SON: variants seen among roughly 807,000 people sequenced by gnomAD.
The protein encoded by SON is protein SON.
In SON, 4 loss-of-function variants were observed where a neutral mutation model predicts 173.3. That is an observed-to-expected ratio of 0.02 (90% CI 0.01 to 0.05). The LOEUF is 0.05. Among genes scored for constraint, SON ranks in the 10% least tolerant of loss-of-function variants. SON has a pLI of 1.00. For missense variants in SON, 2,626 were observed against 3,055.3 expected (o/e 0.86, Z 3.31); for synonymous variants, 1,190 against 1,105.9 (o/e 1.08, Z -1.51).
intron 6 of SON, chr21:33,560,820 G>C (rs1187670079): frequency 6.4e-6 from 1 of 155,948 alleles, no homozygotes; most frequent in African/African-American, 2.4e-5. Flanking sequence ...GGTATCTGAT[G>C]CCCATCTGGA....
At chr21:33,563,130 G>A (rs1375832082) in intron 6 of SON, among the ~76,000 whole-genome samples, 1 of 152,026 alleles carries the variant, frequency 6.6e-6, no homozygotes. Context: ...CATAGGTCCC[G>A]GCACTGCTAG....
At chr21:33,568,172 GA>G (rs955179645) in intron 7 of SON, among the ~76,000 whole-genome samples, 2 of 152,128 alleles carry the variant, frequency 1.3e-5, no homozygotes, top group Admixed American at 6.6e-5. Context: ...GTTGGTGACT[GA>G]AAAAAAGTAT....
At chr21:33,573,972 A>C (rs1231125159) in intron 9 of SON, among the ~76,000 whole-genome samples, 1 of 152,170 alleles carries the variant, frequency 6.6e-6, no homozygotes, top group East Asian at 1.9e-4. Flanking sequence ...CAATAATGTT[A>C]CTTCTTCCTG....
chr21:33,573,162 G>A (rs2086324495), intron 8 of SON, 146 bp from the exon 9 acceptor site: 1 of 623,836 alleles, frequency 1.6e-6, no homozygotes, highest in South Asian at 2.3e-5. Flanking sequence ...ACTACAGTAT[G>A]TATAAAGTAT....
intron 3 of SON, among the ~76,000 whole-genome samples, chr21:33,555,714 C>G (rs1453573635): frequency 6.6e-6 from 1 of 152,122 alleles, no homozygotes; most frequent in South Asian, 2.1e-4. Context: ...TAAAAACAAG[C>G]TAAGTATATG....
In SON at chr21:33,546,275, G is replaced by A; in HGVS notation, c.140G>A (p.Gly47Asp). 1 of 1,613,618 alleles carries A rather than the reference G, an allele frequency of 6.2e-7. No individual in the cohort carries two copies. Among genetic ancestry groups the A allele is most frequent in the South Asian group, 1.1e-5 (1 of 91,036 alleles). ...TNTPIEGNQA[G>D]DAAASARSLP... ...ACACCCATTGAAGGAAACCAGGCGG[G>A]TGATGCAGCTGCCTCTGCCAGGAGT... The change falls in exon 2 of 12, where the codon GGT becomes GAT. Residue 47 changes from glycine (G) to aspartate (D), a missense_variant. Physicochemically the swap from Gly to Asp is moderately conservative, Grantham distance 94. Around this residue, in one of 13 missense-constraint regions of SON, gnomAD observed 757 missense variants for 730.1 expected, o/e 1.04. Coordinates refer to ENST00000356577, the MANE Select transcript of SON (RefSeq NM_138927.4).
In SON at chr21:33,550,564, C is replaced by T. The variant is rs1445356758; in HGVS notation, c.1333C>T (p.Pro445Ser). The stretch of plus-strand genomic sequence containing the variant: ...TGAGTTGCCAGGGCCCTCTGTGACA[C>T]CAGTGCCACAGTTGTCGCAGGAATT... ...VPELPGPSVTPVPQLSQELPG... is the reference protein window; with the variant it reads ...VPELPGPSVTSVPQLSQELPG... The change falls in exon 3 of 12, where the codon CCA becomes TCA. Residue 445 changes from proline to serine, a missense_variant. Physicochemically the swap from Pro to Ser is moderately conservative, Grantham distance 74. Around this residue, in one of 13 missense-constraint regions of SON, gnomAD observed 757 missense variants for 730.1 expected, o/e 1.04. Coordinates refer to ENST00000356577, the MANE Select transcript of SON (RefSeq NM_138927.4). The T allele has an allele frequency of 6.8e-6, 11 of 1,613,710 alleles. No individual in the cohort carries two copies. The highest frequency in any genetic ancestry group is 9.3e-6 in the Non-Finnish European group (11 of 1,179,906).
chr21:33,569,557 AC>A, intron 8 of SON: 2 of 416,378 alleles, frequency 4.8e-6, no homozygotes, highest in East Asian at 9.2e-5. Flanking sequence ...TTGCCCTCGC[AC>A]CCCACCCGCT....
chr21:33,549,334 G>C (rs1342190406), intron 2 of SON, 142 bp from the exon 3 acceptor site: 1 of 612,786 alleles, frequency 1.6e-6, no homozygotes, highest in African/African-American at 1.9e-5. Flanking sequence ...TGGCCTCTCA[G>C]AGTGCTAAGA....
intron 6 of SON, among the ~76,000 whole-genome samples, chr21:33,563,300 A>G (rs1350261536): frequency 6.6e-6 from 1 of 152,190 alleles, no homozygotes; most frequent in African/African-American, 2.4e-5. Context: ...TACAATAAAA[A>G]GATTCGTAAT....
chr21:33,553,519 T>C lies in SON; in HGVS notation c.4288T>C (p.Ser1430Pro). The change falls in exon 3 of 12, where the codon TCT (serine) becomes CCT (proline). Residue 1430 changes from serine (S) to proline (P), a missense_variant. Physicochemically the swap from Ser to Pro is moderately conservative, Grantham distance 74. Transcript: ENST00000356577. ...ACCAGCGGTGTCAGTCCTTCAACCT[T>C]CTATGATTGTTTCAGAACCATCTGT... is the stretch of plus-strand genomic sequence containing the variant. ...LEPAVSVLQPSMIVSEPSVSV... is the reference protein window; with the variant it reads ...LEPAVSVLQPPMIVSEPSVSV... The C allele has an allele frequency of 6.2e-7, 1 of 1,614,176 alleles. No homozygotes were observed. The highest frequency in any genetic ancestry group is 1.1e-5 in the South Asian group (1 of 91,080).
chr21:33,551,323 G>A lies in SON; in HGVS notation c.2092G>A (p.Glu698Lys), dbSNP rs1417507084. 1 of 1,614,118 alleles carries A rather than the reference G, an allele frequency of 6.2e-7. No homozygotes were observed. The change falls in exon 3 of 12, where the codon GAG becomes AAG. Residue 698 changes from glutamate to lysine, a missense_variant. This residue lies in a region of SON where 182 missense variants were observed against 193.6 expected (regional missense o/e 0.94). Coordinates refer to ENST00000356577, the MANE Select transcript of SON (RefSeq NM_138927.4). ...AQELPTTLVG[E>K]TSVTVGVDPL... The stretch of plus-strand genomic sequence containing the variant: ...GGAGCTGCCTACTACATTAGTGGGG[G>A]AGACTTCTGTAACAGTAGGAGTGGA...
chr21:33,573,844 CA>C (rs1238075744), intron 9 of SON, among the ~76,000 whole-genome samples: 2 of 142,810 alleles, frequency 1.4e-5, no homozygotes, highest in African/African-American at 5.3e-5. Flanking sequence ...TATTTTAGCA[CA>C]TCTTCATTAT....
intron 6 of SON, chr21:33,560,333 C>T: frequency 1.5e-6 from 2 of 1,322,060 alleles, no homozygotes; most frequent in African/African-American, 1.5e-5. Context: ...CCCTTTGCTA[C>T]CTTGGCCCTT....
At chr21:33,544,734 G>A (rs1261789730) in intron 1 of SON, among the ~76,000 whole-genome samples, 1 of 152,186 alleles carries the variant, frequency 6.6e-6, no homozygotes, top group Non-Finnish European at 1.5e-5. Flanking sequence ...TTGCTTTTCA[G>A]TAAATGCGGT....
chr21:33,560,523 AAAT>A, intron 6 of SON: 1 of 997,536 alleles, frequency 1.0e-6, no homozygotes, highest in Non-Finnish European at 1.2e-6. Flanking sequence ...CCGCCTGATT[AAAT>A]AATGTGCTGC....
chr21:33,553,361 AGTCTTCGACTGTAACTGTCCTG>A lies in SON; in HGVS notation c.4132_4153del (p.Ser1379LeufsTer4). On this transcript the variant is annotated frameshift_variant, in exon 3 of 12. Coordinates refer to ENST00000356577, the MANE Select transcript of SON (RefSeq NM_138927.4). LOFTEE classifies it high-confidence loss of function. The stretch of plus-strand genomic sequence containing the variant: ...GAGTCTTCGACTGTGACTGTCCTGG[AGTCTTCGACTGTAACTGTCCTG>A]GAGCCTTCGGTTGTGACTGTCCCGG... 1.2e-6 allele frequency: 2 copies of A among 1,611,922 alleles called. No homozygotes were observed. The highest frequency in any genetic ancestry group is 1.7e-6 in the Non-Finnish European group (2 of 1,178,030).
intron 7 of SON, among the ~76,000 whole-genome samples, chr21:33,568,203 TGTTTTACGGCC>T (rs2086211311): frequency 6.6e-6 from 1 of 152,168 alleles, no homozygotes; most frequent in Non-Finnish European, 1.5e-5. Context: ...TTTAAAAAGT[TGTTTTACGGCC>T]GGGTGCAGTG....
Position 33,552,851 on chromosome 21 carries a change from C to G in SON, c.3620C>G (p.Ser1207Cys). ...TEVPSSPSEESVSQPEPPVSQ... is the reference protein window; with the variant it reads ...TEVPSSPSEECVSQPEPPVSQ... Reference sequence around the variant, plus strand: ...GTGCCATCATCACCATCTGAAGAGTCTGTATCGCAGCCTGAGCCTCCTGTG... The same window carrying G: ...GTGCCATCATCACCATCTGAAGAGTGTGTATCGCAGCCTGAGCCTCCTGTG... Residue 1207 changes from serine to cysteine, a missense_variant, in exon 3 of 12, where the codon TCT (serine) becomes TGT (cysteine). Coordinates refer to ENST00000356577, the MANE Select transcript of SON (RefSeq NM_138927.4). This position sits in a 1 kb window ranked among gnomAD's most constrained non-coding sequence, Gnocchi z 5.6. 1.9e-6 allele frequency: 3 copies of G among 1,614,150 alleles called. No homozygotes were observed. Among genetic ancestry groups the G allele is most frequent in the Non-Finnish European group, 2.5e-6 (3 of 1,180,020 alleles).
Sources: allele counts gnomAD v4.1 joint callset (sites outside exome capture counted in the v4.1 genomes callset), GRCh38; gene constraint gnomAD v4.1.1; regional missense constraint gnomAD v4.1.1; non-coding constraint Gnocchi (gnomAD v3.1); transcripts MANE v1.5; gene names NCBI Gene and HGNC (gene_info 2026-07-23, HGNC 2026-07-21).